Variants in DLG1 observed in about 807,000 individuals in gnomAD.
The protein encoded by DLG1 is disks large homolog 1.
A neutral mutation model predicts 123.4 loss-of-function variants in DLG1; 42 were observed. The observed-to-expected ratio is 0.34, with a 90% CI of 0.27 to 0.44. The LOEUF is 0.44. Ranked by LOEUF, DLG1 falls within the 20% of genes least tolerant of loss-of-function variation. The pLI, the probability that DLG1 is intolerant of heterozygous loss-of-function variation, is 1.00. For synonymous variants in DLG1, 317 were observed against 356.2 expected, an observed-to-expected ratio of 0.89 and a Z score of 1.24; for missense variants, 942 against 1,082.6, an observed-to-expected ratio of 0.87 and a Z score of 1.82.
intron 4 of DLG1, among the ~76,000 whole-genome samples, chr3:197,251,176 G>A (rs1248588664): frequency 6.6e-6 from 1 of 151,872 alleles, no homozygotes; most frequent in Non-Finnish European, 1.5e-5. Context: ...CTTGACTACA[G>A]CCTGGACAAC....
intron 5 of DLG1, among the ~76,000 whole-genome samples, chr3:197,176,448 C>T (rs2150080777): frequency 6.6e-6 from 1 of 152,196 alleles, no homozygotes; most frequent in East Asian, 1.9e-4. Context: ...CCTAAAAATC[C>T]TCTGTGCTCT....
At chr3:197,105,796 T>C (rs1010562190) in intron 13 of DLG1, among the ~76,000 whole-genome samples, 13 of 152,214 alleles carry the variant, frequency 8.5e-5, no homozygotes, top group Non-Finnish European at 1.8e-4. Flanking sequence ...GGAAGCATTA[T>C]ACTTGAATGT....
chr3:197,263,258 T>G (rs928826545), intron 4 of DLG1, among the ~76,000 whole-genome samples: 22 of 152,114 alleles, frequency 1.4e-4, no homozygotes, highest in Admixed American at 7.2e-4. Flanking sequence ...ATCCCTAAGT[T>G]TGGCAGACTT....
At chr3:197,283,274 G>A (rs1453100910) in intron 3 of DLG1, among the ~76,000 whole-genome samples, 2 of 152,088 alleles carry the variant, frequency 1.3e-5, no homozygotes, top group African/African-American at 4.8e-5. Context: ...CTACAGATAG[G>A]AGTTATTACC....
chr3:197,131,320 T>C (rs1290713942), intron 10 of DLG1, among the ~76,000 whole-genome samples: 1 of 152,186 alleles, frequency 6.6e-6, no homozygotes, highest in African/African-American at 2.4e-5. Context: ...TATCAACTAA[T>C]TTAAAAAATC....
intron 14 of DLG1, among the ~76,000 whole-genome samples, chr3:197,104,229 T>C (rs922122994): frequency 2.0e-5 from 3 of 152,216 alleles, no homozygotes; most frequent in African/African-American, 4.8e-5. Flanking sequence ...TATCTGCTTA[T>C]GGTTTTTATT....
intron 5 of DLG1, among the ~76,000 whole-genome samples, chr3:197,159,902 C>T (rs1798104303): frequency 6.6e-6 from 1 of 152,138 alleles, no homozygotes; most frequent in Non-Finnish European, 1.5e-5. Flanking sequence ...CCTTAGTTTG[C>T]TGTCTCAGAG....
intron 5 of DLG1, among the ~76,000 whole-genome samples, chr3:197,156,274 C>T (rs1401133873): frequency 6.6e-6 from 1 of 152,058 alleles, no homozygotes; most frequent in Non-Finnish European, 1.5e-5. Flanking sequence ...ATGTAATCCC[C>T]ATGGTAACCA....
intron 17 of DLG1, among the ~76,000 whole-genome samples, chr3:197,078,035 G>A (rs1211692618): frequency 2.0e-5 from 3 of 151,920 alleles, no homozygotes; most frequent in Admixed American, 2.0e-4. Flanking sequence ...GAAGCAGCCA[G>A]GTGTGGTGGC....
chr3:197,059,981 A>G lies in DLG1; in HGVS notation c.2391T>C (p.Leu797=). Residue 797 remains leucine (L), a synonymous_variant, in exon 23 of 25, where the codon CTT becomes CTC. Coordinates refer to ENST00000667157, the MANE Select transcript of DLG1 (RefSeq NM_001366207.1). ...TCTTTATGGCATTTCCAGACACATC[A>G]AGGATACAGTGTTTGCCCTAAAATA... ...EVAEKGKHCI[L]DVSGNAIKRL... is the part of the protein sequence containing the mutation. The G allele has an allele frequency of 6.2e-7, 1 of 1,613,378 alleles. No individual in the cohort carries two copies. The highest frequency in any genetic ancestry group is 8.5e-7 in the Non-Finnish European group (1 of 1,179,586).
intron 4 of DLG1, among the ~76,000 whole-genome samples, chr3:197,226,873 G>A (rs1469871238): frequency 1.3e-5 from 2 of 152,130 alleles, no homozygotes; most frequent in East Asian, 3.9e-4. Context: ...CCCTTTGGCA[G>A]AAAAGCTATC....
chr3:197,276,739 G>A (rs1766606332), intron 4 of DLG1, among the ~76,000 whole-genome samples: 1 of 152,034 alleles, frequency 6.6e-6, no homozygotes, highest in South Asian at 2.1e-4. Context: ...AGATTCAGAA[G>A]TTCTACAATC....
intron 4 of DLG1, among the ~76,000 whole-genome samples, chr3:197,276,583 A>T (rs1209897411): frequency 6.6e-6 from 1 of 152,210 alleles, no homozygotes; most frequent in Non-Finnish European, 1.5e-5. Context: ...CTGTTAAGTC[A>T]GTTTCCTATT....
chr3:197,219,206 A>G (rs960392424), intron 4 of DLG1, among the ~76,000 whole-genome samples: 2 of 152,174 alleles, frequency 1.3e-5, no homozygotes, highest in Non-Finnish European at 2.9e-5. Flanking sequence ...CCTATCCTCT[A>G]TTCTCAAACA....
chr3:197,248,261 G>A (rs1226112151), intron 4 of DLG1, among the ~76,000 whole-genome samples: 4 of 151,982 alleles, frequency 2.6e-5, no homozygotes, highest in Non-Finnish European at 1.5e-5. Flanking sequence ...CTGCCCCCAC[G>A]GCTTTTCTAA....
At chr3:197,165,078 A>G (rs1347019236) in intron 5 of DLG1, among the ~76,000 whole-genome samples, 1 of 152,212 alleles carries the variant, frequency 6.6e-6, no homozygotes, top group Non-Finnish European at 1.5e-5. Flanking sequence ...AATGGAAAGA[A>G]ATGTCTGAAA....
At chr3:197,204,706 T>C (rs993388870) in intron 4 of DLG1, among the ~76,000 whole-genome samples, 3 of 152,284 alleles carry the variant, frequency 2.0e-5, no homozygotes, top group African/African-American at 7.2e-5. Flanking sequence ...GTAACAACTA[T>C]TTACGTAGCA....
At chr3:197,080,897 T>C (rs1308326493) in intron 17 of DLG1, 154 bp downstream of exon 17, 1 of 559,462 alleles carries the variant, frequency 1.8e-6, no homozygotes, top group Non-Finnish European at 3.1e-6. Flanking sequence ...GTCTGTGAAA[T>C]GGGTGCTTGA....
At chr3:197,180,788 A>G (rs1809838412) in intron 5 of DLG1, among the ~76,000 whole-genome samples, 1 of 152,168 alleles carries the variant, frequency 6.6e-6, no homozygotes, top group Non-Finnish European at 1.5e-5. Context: ...GAAAAACCAA[A>G]GACACTTGTG....
Sources: allele counts gnomAD v4.1 joint callset (sites outside exome capture counted in the v4.1 genomes callset), GRCh38; gene constraint gnomAD v4.1.1; transcripts MANE v1.5; gene names NCBI Gene and HGNC (gene_info 2026-07-23, HGNC 2026-07-21).